Variants in ACTN4 observed in about 807,000 individuals in gnomAD.
The protein encoded by ACTN4 is actinin alpha 4.
Under a neutral mutation model 114.2 loss-of-function variants are expected in ACTN4, and 18 were observed. That is an observed-to-expected ratio of 0.16 (90% CI 0.11 to 0.23). The LOEUF (loss-of-function observed/expected upper bound fraction) is 0.23. ACTN4 is among the 10% of genes least tolerant of loss of function. ACTN4 has a pLI of 1.00. For synonymous variants in ACTN4, 515 were observed against 506.3 expected, an observed-to-expected ratio of 1.02 and a Z score of -0.23; for missense variants, 722 against 1,262.9, an observed-to-expected ratio of 0.57 and a Z score of 6.49.
In ACTN4 at chr19:38,649,447, A is replaced by G. The variant is rs374176495; in HGVS notation, c.162+1540A>G. Among the ~76,000 whole-genome samples the G allele has an allele frequency of 1.3e-3, 193 of 152,164 alleles. 4 individuals carry two copies. In the South Asian group the frequency reaches 0.026, roughly 21 times the overall value. On this transcript the variant is annotated intron_variant, in intron 1 of 20. Transcript: ENST00000252699. ...TGGAAGCATTTCGTGGGATCTGGAG[A>G]TCTGGATTTTCTTTCCAGATTTGTT...
intron 1 of ACTN4, among the ~76,000 whole-genome samples, chr19:38,682,987 C>T (rs1967626118): frequency 6.6e-6 from 1 of 152,214 alleles, no homozygotes; most frequent in Non-Finnish European, 1.5e-5. Flanking sequence ...TGTATTGGCT[C>T]TTCCACTAGA....
intron 1 of ACTN4, among the ~76,000 whole-genome samples, chr19:38,676,727 C>T (rs866789091): frequency 2.0e-5 from 3 of 152,156 alleles, no homozygotes; most frequent in South Asian, 4.1e-4. Flanking sequence ...CACAGCTTCT[C>T]CTGAAGCAGC....
chr19:38,728,966 G>A, intron 19 of ACTN4, 30 bp from the exon 20 acceptor site: 1 of 1,611,734 alleles, frequency 6.2e-7, no homozygotes, highest in Non-Finnish European at 8.5e-7. Flanking sequence ...CTAAATGTCG[G>A]GTGTCCCCCA....
In ACTN4 at chr19:38,728,046, AGCGGACCATG is replaced by A; in HGVS notation, c.2418+23_2418+32del. On this transcript the variant is annotated intron_variant, in intron 19 of 20. Transcript: ENST00000252699. ...CGGCAGGTACTGCACCCTGGGCCCCAGCGGACCATGGCATTAACTGCTCTCTCTCTCTCTC... is the reference window on the plus strand; with the variant it reads ...CGGCAGGTACTGCACCCTGGGCCCCAGCATTAACTGCTCTCTCTCTCTCTC... The A allele has an allele frequency of 6.3e-7, 1 of 1,598,234 alleles. No individual in the cohort carries two copies.
chr19:38,705,986 G>T (rs560404625), intron 4 of ACTN4, 58 bp from the exon 5 acceptor site: 2 of 1,585,508 alleles, frequency 1.3e-6, no homozygotes, highest in African/African-American at 2.7e-5. Context: ...TCCAACTTGG[G>T]CTGAGTTCTG....
At chr19:38,712,786 A>G (rs965067289) in intron 8 of ACTN4, among the ~76,000 whole-genome samples, 2 of 152,050 alleles carry the variant, frequency 1.3e-5, no homozygotes, top group African/African-American at 2.4e-5. Flanking sequence ...TGCCCACCAC[A>G]TGGCCTCACC....
At chr19:38,667,648 T>C (rs570309478) in intron 1 of ACTN4, among the ~76,000 whole-genome samples, 7 of 151,488 alleles carry the variant, frequency 4.6e-5, no homozygotes, top group Non-Finnish European at 1.0e-4. Context: ...GGTGCCCCAT[T>C]GTTATGAAGT....
chr19:38,702,782 C>G (rs558302336), intron 3 of ACTN4, among the ~76,000 whole-genome samples: 1 of 152,338 alleles, frequency 6.6e-6, no homozygotes, highest in Admixed American at 6.5e-5. Flanking sequence ...AGCTGTGGCT[C>G]ATGGACACCC....
intron 8 of ACTN4, among the ~76,000 whole-genome samples, chr19:38,712,265 T>C (rs1339087323): frequency 6.6e-6 from 1 of 152,158 alleles, no homozygotes; most frequent in Admixed American, 6.5e-5. Context: ...CCGTACCTTC[T>C]GTGGACCCCT....
chr19:38,686,631 G>T (rs989033108), intron 1 of ACTN4, among the ~76,000 whole-genome samples: 8 of 152,256 alleles, frequency 5.3e-5, no homozygotes, highest in Non-Finnish European at 1.0e-4. Flanking sequence ...CTGGTGAGAA[G>T]CTCTGCCTGG....
At chr19:38,657,171 C>T (rs1221494172) in intron 1 of ACTN4, among the ~76,000 whole-genome samples, 4 of 149,932 alleles carry the variant, frequency 2.7e-5, no homozygotes, top group African/African-American at 9.8e-5. Flanking sequence ...GAGATGGAGT[C>T]TCACTCTGTC....
intron 1 of ACTN4, among the ~76,000 whole-genome samples, chr19:38,683,061 G>A (rs930225832): frequency 1.3e-5 from 2 of 152,176 alleles, no homozygotes; most frequent in East Asian, 1.9e-4. Flanking sequence ...TGTATGGCTC[G>A]TGATAGATGC....
intron 9 of ACTN4, 128 bp from the exon 10 acceptor site, chr19:38,716,958 G>A: frequency 9.6e-7 from 1 of 1,037,808 alleles, no homozygotes. Context: ...TTGGGCTGGG[G>A]AGCAGGGGTA....
intron 1 of ACTN4, among the ~76,000 whole-genome samples, chr19:38,676,866 C>G (rs771920731): frequency 2.0e-5 from 3 of 152,168 alleles, no homozygotes; most frequent in East Asian, 1.9e-4. Flanking sequence ...TGCATCCCCC[C>G]ACTCACTCCC....
At chr19:38,718,209 T>G in intron 11 of ACTN4, 135 bp downstream of exon 11, 1 of 1,414,252 alleles carries the variant, frequency 7.1e-7, no homozygotes. Context: ...TCTTGCTGCT[T>G]GGGAGCATGT....
chr19:38,683,131 C>T (rs1335659860), intron 1 of ACTN4, among the ~76,000 whole-genome samples: 1 of 152,154 alleles, frequency 6.6e-6, no homozygotes, highest in Non-Finnish European at 1.5e-5. Flanking sequence ...CAGTGAGTCT[C>T]CCCCTTGTTG....
chr19:38,654,421 G>T (rs1017468583), intron 1 of ACTN4, among the ~76,000 whole-genome samples: 1 of 152,052 alleles, frequency 6.6e-6, no homozygotes, highest in African/African-American at 2.4e-5. Context: ...AATTAGCCGG[G>T]CACGGTGGTG....
intron 16 of ACTN4, among the ~76,000 whole-genome samples, chr19:38,725,337 C>T (rs1293504102): frequency 6.6e-6 from 1 of 152,214 alleles, no homozygotes; most frequent in African/African-American, 2.4e-5. Context: ...AGGTCAGGAG[C>T]TGCAGCCAGG....
chr19:38,723,871 A>G (rs1454058311), intron 13 of ACTN4, 66 bp from the exon 14 acceptor site: 10 of 1,262,184 alleles, frequency 7.9e-6, no homozygotes, highest in Non-Finnish European at 1.1e-5. Flanking sequence ...ACCCCTCCCC[A>G]CCCCTCCTGC....
Sources: allele counts gnomAD v4.1 joint callset (sites outside exome capture counted in the v4.1 genomes callset), GRCh38; gene constraint gnomAD v4.1.1; transcripts MANE v1.5; gene names NCBI Gene and HGNC (gene_info 2026-07-23, HGNC 2026-07-21).